Variants in SPATA16 observed in about 807,000 individuals in gnomAD.
SPATA16 encodes the protein spermatogenesis associated 16.
In SPATA16, 36 loss-of-function variants were observed where a neutral mutation model predicts 63.3. The observed-to-expected ratio is 0.57, with a 90% CI of 0.44 to 0.75. The LOEUF is 0.75. SPATA16 is among the 30% of genes least tolerant of loss of function. The pLI, the probability that SPATA16 is intolerant of heterozygous loss-of-function variation, is 0.00. For synonymous variants in SPATA16, 203 were observed against 216.7 expected, an observed-to-expected ratio of 0.94 and a Z score of 0.56; for missense variants, 646 against 679.3, an observed-to-expected ratio of 0.95 and a Z score of 0.54.
At chr3:172,916,699 G>C (rs994638768) in intron 8 of SPATA16, among the ~76,000 whole-genome samples, 2 of 152,146 alleles carry the variant, frequency 1.3e-5, no homozygotes, top group Non-Finnish European at 2.9e-5. Context: ...GAGAACTGTT[G>C]AGACGGATTT....
chr3:172,890,815 A>G (rs550647148), intron 10 of SPATA16, among the ~76,000 whole-genome samples: 1 of 151,764 alleles, frequency 6.6e-6, no homozygotes. Flanking sequence ...AAACCCTTGT[A>G]AAAACTATTT....
chr3:173,019,701 A>G (rs1735275370), intron 3 of SPATA16, 126 bp from the exon 4 acceptor site: 1 of 848,534 alleles, frequency 1.2e-6, no homozygotes, highest in Non-Finnish European at 1.9e-6. Context: ...TACTAGTGAA[A>G]GGAGCCCTTC....
chr3:173,137,860 C>G (rs917942107), intron 1 of SPATA16, among the ~76,000 whole-genome samples: 2 of 151,282 alleles, frequency 1.3e-5, no homozygotes. Flanking sequence ...CACACACACA[C>G]ACACACACAC....
chr3:172,907,029 G>A (rs1307441280), intron 10 of SPATA16, among the ~76,000 whole-genome samples: 1 of 152,136 alleles, frequency 6.6e-6, no homozygotes, highest in East Asian at 1.9e-4. Flanking sequence ...GAGAGTTTGG[G>A]TCCCTATTAA....
At chr3:172,925,070 A>T (rs1277537159) in intron 7 of SPATA16, among the ~76,000 whole-genome samples, 1 of 152,146 alleles carries the variant, frequency 6.6e-6, no homozygotes, top group Non-Finnish European at 1.5e-5. Flanking sequence ...GCTAATTGAT[A>T]ATGATGAAAA....
chr3:173,039,871 A>C (rs570007326), intron 3 of SPATA16, among the ~76,000 whole-genome samples: 17 of 152,116 alleles, frequency 1.1e-4, no homozygotes, highest in Non-Finnish European at 4.4e-5. Flanking sequence ...AATGATCAAC[A>C]TATGCATTTA....
intron 6 of SPATA16, among the ~76,000 whole-genome samples, chr3:172,950,552 T>A (rs866932532): frequency 6.6e-6 from 1 of 152,076 alleles, no homozygotes; most frequent in Non-Finnish European, 1.5e-5. Context: ...AAGAGGAAAA[T>A]AGTCTGATTT....
At chr3:173,056,527 A>G (rs1736226769) in intron 2 of SPATA16, among the ~76,000 whole-genome samples, 1 of 151,638 alleles carries the variant, frequency 6.6e-6, no homozygotes, top group Non-Finnish European at 1.5e-5. Flanking sequence ...ACATAGTAAA[A>G]CCCCGTCTCT....
At chr3:173,026,103 T>C (rs992212107) in intron 3 of SPATA16, among the ~76,000 whole-genome samples, 5 of 151,954 alleles carry the variant, frequency 3.3e-5, no homozygotes, top group African/African-American at 1.2e-4. Context: ...CATGTATGCG[T>C]GTGTTGTGTT....
intron 8 of SPATA16, among the ~76,000 whole-genome samples, chr3:172,917,011 C>T (rs1443046320): frequency 6.6e-6 from 1 of 152,170 alleles, no homozygotes; most frequent in Middle Eastern, 3.2e-3. Context: ...ATTGGATAGC[C>T]TTGCACAGTC....
intron 3 of SPATA16, among the ~76,000 whole-genome samples, chr3:173,028,684 C>A (rs1735527377): frequency 6.6e-6 from 1 of 151,908 alleles, no homozygotes; most frequent in African/African-American, 2.4e-5. Context: ...TAACTGCAAG[C>A]TAAATGATAT....
intron 1 of SPATA16, among the ~76,000 whole-genome samples, chr3:173,118,377 CT>C (rs1170275477): frequency 6.6e-6 from 1 of 152,106 alleles, no homozygotes; most frequent in African/African-American, 2.4e-5. Flanking sequence ...ATAGACTTAT[CT>C]TTAGTCTACT....
chr3:173,098,330 T>G (rs1349487576), intron 2 of SPATA16, among the ~76,000 whole-genome samples: 1 of 152,232 alleles, frequency 6.6e-6, no homozygotes, highest in Non-Finnish European at 1.5e-5. Flanking sequence ...CAAGGCCACG[T>G]GCACGCATTT....
intron 10 of SPATA16, among the ~76,000 whole-genome samples, chr3:172,900,432 A>C (rs898484505): frequency 4.6e-5 from 7 of 152,008 alleles, no homozygotes; most frequent in Non-Finnish European, 8.8e-5. Flanking sequence ...CAACTTCTTA[A>C]ATTTATAATT....
intron 1 of SPATA16, among the ~76,000 whole-genome samples, chr3:173,121,957 CCTGAGACA>C (rs1420137819): frequency 2.0e-5 from 3 of 151,998 alleles, no homozygotes; most frequent in African/African-American, 7.3e-5. Context: ...AGTCAGTGTT[CCTGAGACA>C]CTGAGCTGCA....
intron 2 of SPATA16, among the ~76,000 whole-genome samples, chr3:173,073,731 C>G (rs940544301): frequency 3.3e-5 from 5 of 152,224 alleles, no homozygotes; most frequent in Admixed American, 1.3e-4. Context: ...GTTGAAACCC[C>G]CACACAGAGT....
chr3:172,896,731 A>C (rs913575765), intron 10 of SPATA16, among the ~76,000 whole-genome samples: 1 of 151,786 alleles, frequency 6.6e-6, no homozygotes, highest in South Asian at 2.1e-4. Flanking sequence ...AACATGCTCA[A>C]TTGTCATTCA....
At chr3:173,122,496 A>G (rs1738104287) in intron 1 of SPATA16, among the ~76,000 whole-genome samples, 1 of 151,982 alleles carries the variant, frequency 6.6e-6, no homozygotes, top group Admixed American at 6.6e-5. Context: ...CACAGTTGCT[A>G]TGGTTTTCTT....
chr3:172,906,898 C>T (rs898413899), intron 10 of SPATA16, among the ~76,000 whole-genome samples: 24 of 152,080 alleles, frequency 1.6e-4, no homozygotes, highest in African/African-American at 4.6e-4. Context: ...CCCGCTACCA[C>T]GCCCGGCTAA....
Sources: allele counts gnomAD v4.1 joint callset (sites outside exome capture counted in the v4.1 genomes callset), GRCh38; gene constraint gnomAD v4.1.1; transcripts MANE v1.5; gene names NCBI Gene and HGNC (gene_info 2026-07-23, HGNC 2026-07-21).